Variants in IFNGR1 observed in about 807,000 individuals in gnomAD.
IFNGR1 encodes AVP, type 2.
A neutral mutation model predicts 35.4 loss-of-function variants in IFNGR1; 23 were observed. That is an observed-to-expected ratio of 0.65 (90% CI 0.47 to 0.92). The LOEUF is 0.92. Ranked by LOEUF, IFNGR1 falls within the 40% of genes least tolerant of loss-of-function variation. The probability of loss-of-function intolerance (pLI) is 0.00; values close to 1 mark genes in which losing one functional copy is unlikely to be tolerated. For missense variants in IFNGR1, 533 were observed against 583.4 expected, an observed-to-expected ratio of 0.91 and a Z score of 0.89; for synonymous variants, 199 against 209.5, an observed-to-expected ratio of 0.95 and a Z score of 0.43.
Position 137,206,717 on chromosome 6 carries a change from G to A in IFNGR1, c.200+246C>T, listed in dbSNP as rs1779438976. 7.7e-6 allele frequency: 4 copies of A among 520,668 alleles called. No homozygotes were observed. The East Asian group carries it at 1.3e-4, about 17-fold the overall frequency. The allele number at this position is 520,668 out of a possible 1,614,324, so 32.3% of individuals were successfully genotyped here. A position where few individuals can be genotyped will look rare whatever the true frequency, so the allele number is the denominator to read the frequency against. ...CAGGAAGATGACATAGTAACTATTAGCTTTATTTGTCATGCTAATCTCAGA... is the reference window on the plus strand; with the variant it reads ...CAGGAAGATGACATAGTAACTATTAACTTTATTTGTCATGCTAATCTCAGA... On this transcript the variant is annotated intron_variant, in intron 2 of 6. Coordinates refer to ENST00000367739, the MANE Select transcript of IFNGR1 (RefSeq NM_000416.3).
chr6:137,210,455 A>T (rs1779547986), intron 1 of IFNGR1, among the ~76,000 whole-genome samples: 1 of 152,200 alleles, frequency 6.6e-6, no homozygotes, highest in Non-Finnish European at 1.5e-5. Flanking sequence ...ATGTGACCCC[A>T]AATTTATGGT....
intron 1 of IFNGR1, among the ~76,000 whole-genome samples, chr6:137,211,251 C>T (rs577322519): frequency 6.6e-6 from 1 of 151,872 alleles, no homozygotes; most frequent in South Asian, 2.1e-4. Context: ...TTGAGAAACC[C>T]TGCTTTATGT....
intron 1 of IFNGR1, among the ~76,000 whole-genome samples, chr6:137,216,105 A>G (rs1306210402): frequency 2.0e-5 from 3 of 152,256 alleles, no homozygotes; most frequent in Non-Finnish European, 2.9e-5. Context: ...TATTCAATAA[A>G]TATAATTAAA....
At chr6:137,218,149 T>A (rs942929238) in intron 1 of IFNGR1, among the ~76,000 whole-genome samples, 3 of 152,198 alleles carry the variant, frequency 2.0e-5, no homozygotes, top group Non-Finnish European at 4.4e-5. Flanking sequence ...TCTCTGCCAG[T>A]TGGGCAGGCC....
chr6:137,218,197 C>A (rs935447440), intron 1 of IFNGR1, among the ~76,000 whole-genome samples: 5 of 152,262 alleles, frequency 3.3e-5, no homozygotes, highest in African/African-American at 1.2e-4. Context: ...AAGAGAGAGA[C>A]AAATAACGCC....
At chr6:137,199,311 TTATATAATATATAATTTATAA>T (rs1323149825) in intron 6 of IFNGR1, among the ~76,000 whole-genome samples, 7 of 131,938 alleles carry the variant, frequency 5.3e-5, no homozygotes, top group African/African-American at 1.4e-4. Flanking sequence ...TTAATATATA[TTATATAATATATAATTTATAA>T]TATATAATAT....
intron 1 of IFNGR1, chr6:137,215,427 C>T (rs1779669952): frequency 2.4e-6 from 3 of 1,244,980 alleles, no homozygotes; most frequent in East Asian, 2.6e-5. Context: ...TAAAAATACA[C>T]AAGACCTAAA....
intron 6 of IFNGR1, among the ~76,000 whole-genome samples, chr6:137,200,229 T>A (rs779671635): frequency 3.3e-4 from 50 of 152,320 alleles, no homozygotes; most frequent in African/African-American, 1.1e-3. Context: ...ATGTGCCCTT[T>A]GAGCATCACA....
At chr6:137,215,443 AC>A in intron 1 of IFNGR1, 6 of 1,015,280 alleles carry the variant, frequency 5.9e-6, no homozygotes, top group African/African-American at 1.6e-5. Context: ...CTAAACAGAT[AC>A]CTAGTATTCT....
intron 6 of IFNGR1, among the ~76,000 whole-genome samples, chr6:137,198,878 G>C (rs1481127311): frequency 2.0e-5 from 3 of 152,144 alleles, no homozygotes; most frequent in African/African-American, 7.2e-5. Flanking sequence ...GTACGTTACT[G>C]TGATGGTTAA....
At chr6:137,202,449 CA>C (rs1314995283) in intron 5 of IFNGR1, among the ~76,000 whole-genome samples, 3 of 152,170 alleles carry the variant, frequency 2.0e-5, no homozygotes, top group African/African-American at 4.8e-5. Flanking sequence ...TTGAAACCTT[CA>C]TATAATGGCT....
chr6:137,208,247 T>C (rs1055893959), intron 1 of IFNGR1, among the ~76,000 whole-genome samples: 1 of 152,282 alleles, frequency 6.6e-6, no homozygotes, highest in African/African-American at 2.4e-5. Context: ...AAGCAGAGCA[T>C]AAAAGTTTGG....
chr6:137,218,856 T>C lies in IFNGR1; in HGVS notation c.85+387A>G, dbSNP rs1025475090. ...CAGGCAACCGTAGCATACTAGTGAG[T>C]ATCTGCGTATCTAACCATAAAAAAA... On this transcript the variant is annotated intron_variant, in intron 1 of 6. Transcript: ENST00000367739. 6 of 361,014 alleles carry C rather than the reference T, an allele frequency of 1.7e-5. No homozygotes were observed. The Admixed American group carries it at 2.3e-4, about 14-fold the overall frequency. 22.4% of individuals were successfully genotyped at this position (361,014 alleles called of 1,614,324 possible). A position where few individuals can be genotyped will look rare whatever the true frequency, so the allele number is the denominator to read the frequency against.
At chr6:137,208,563 C>G (rs1014628178) in intron 1 of IFNGR1, among the ~76,000 whole-genome samples, 1 of 152,234 alleles carries the variant, frequency 6.6e-6, no homozygotes. Flanking sequence ...CAACATATAG[C>G]TCAGGCTGTG....
At chr6:137,216,080 G>GA in intron 1 of IFNGR1, among the ~76,000 whole-genome samples, 1 of 152,218 alleles carries the variant, frequency 6.6e-6, no homozygotes, top group East Asian at 1.9e-4. Context: ...AAATGAAAAA[G>GA]AAAATTTAAT....
At position 137,203,662 on chromosome 6, in the gene IFNGR1, C is replaced by T; in HGVS notation, c.570G>A (p.Gln190=). 6.2e-7 allele frequency: 1 copy of T among 1,613,020 alleles called. No individual in the cohort carries two copies. Among genetic ancestry groups the T allele is most frequent in the Non-Finnish European group, 8.5e-7 (1 of 1,179,468 alleles). ...GAATCTCGTCACAATCATCTTCCTT[C>T]TGCGTGAGTATTTTATACTGGATCT... ...GSEIQYKILT[Q]KEDDCDEIQC... Residue 190 remains glutamine, a synonymous_variant, in exon 5 of 7, where the codon CAG becomes CAA. Coordinates refer to ENST00000367739, the MANE Select transcript of IFNGR1 (RefSeq NM_000416.3).
intron 2 of IFNGR1, 113 bp downstream of exon 2, chr6:137,206,850 C>A (rs1378824941): frequency 1.3e-6 from 1 of 779,730 alleles, no homozygotes; most frequent in East Asian, 2.6e-5. Context: ...CCTCTATAAG[C>A]AGTTTAGAAT....
At chr6:137,207,626 G>A (rs1779471271) in intron 1 of IFNGR1, among the ~76,000 whole-genome samples, 1 of 152,104 alleles carries the variant, frequency 6.6e-6, no homozygotes, top group Admixed American at 6.5e-5. Flanking sequence ...TGGGTTTATT[G>A]GGGCTTCTGC....
At chr6:137,204,142 T>C (rs1779367953) in intron 4 of IFNGR1, among the ~76,000 whole-genome samples, 190 bp downstream of exon 4, 1 of 152,218 alleles carries the variant, frequency 6.6e-6, no homozygotes, top group Non-Finnish European at 1.5e-5. Flanking sequence ...TGTATTCACA[T>C]GGTCAGTGTT....
Sources: allele counts gnomAD v4.1 joint callset (sites outside exome capture counted in the v4.1 genomes callset), GRCh38; gene constraint gnomAD v4.1.1; transcripts MANE v1.5; gene names NCBI Gene and HGNC (gene_info 2026-07-23, HGNC 2026-07-21).